Variants in SNX10 observed in about 807,000 individuals in gnomAD.
SNX10 encodes sorting nexin 10.
In SNX10, 25 loss-of-function variants were observed where a neutral mutation model predicts 28.5. The observed-to-expected ratio is 0.88, with a 90% CI of 0.64 to 1.22. The LOEUF (loss-of-function observed/expected upper bound fraction) is 1.22, where lower values mean the gene tolerates loss of function less well. SNX10 is among the 50% of genes most tolerant of loss of function. The pLI is 0.00. For synonymous variants in SNX10, 62 were observed against 81.4 expected (o/e 0.76, Z 1.28); for missense variants, 223 against 242.6 (o/e 0.92, Z 0.54).
intron 2 of SNX10, among the ~76,000 whole-genome samples, chr7:26,354,882 ACTCTT>A (rs1788754730): frequency 6.8e-6 from 1 of 146,420 alleles, no homozygotes; most frequent in African/African-American, 2.5e-5. Flanking sequence ...AAGTTGAAGA[ACTCTT>A]CTCCTAGTCC....
intron 2 of SNX10, among the ~76,000 whole-genome samples, chr7:26,351,284 A>G (rs1788584397): frequency 6.6e-6 from 1 of 152,260 alleles, no homozygotes; most frequent in Non-Finnish European, 1.5e-5. Flanking sequence ...GAAATCTGAC[A>G]AACACTTCCT....
chr7:26,347,496 C>T (rs373111306), intron 2 of SNX10, among the ~76,000 whole-genome samples: 84 of 152,198 alleles, frequency 5.5e-4, no homozygotes, highest in Non-Finnish European at 8.1e-4. Context: ...GCCAAGATTA[C>T]GCCACCACAC....
chr7:26,305,635 C>T (rs183048630), intron 1 of SNX10, among the ~76,000 whole-genome samples: 1 of 152,290 alleles, frequency 6.6e-6, no homozygotes, highest in African/African-American at 2.4e-5. Context: ...TGTCTAAACA[C>T]ACAGGAAACT....
In SNX10 at chr7:26,353,459, T is replaced by TTTTTG. The variant is rs1554359898; in HGVS notation, c.24+6994_24+6995insTTTGT. ...ATGCTTTTTTTTTTTTTTTTTTTTT[T>TTTTTG]TGGTGGGGAGACAGAGTCTTGGTCT... is the stretch of plus-strand genomic sequence containing the variant. On this transcript the variant is annotated intron_variant, in intron 2 of 6. Coordinates refer to ENST00000338523, the MANE Select transcript of SNX10 (RefSeq NM_013322.3). 1.5e-3 allele frequency among the ~76,000 whole-genome samples: 85 copies of TTTTTG among 58,426 alleles called. 3 individuals are homozygous for TTTTTG. Among genetic ancestry groups the TTTTTG allele is most frequent in the South Asian group, 4.4e-3 (6 of 1,372 alleles). 38.3% of individuals were successfully genotyped at this position (58,426 alleles called of 152,430 possible).
At chr7:26,346,337 G>A in intron 1 of SNX10, 83 bp from the exon 2 acceptor site, 1 of 851,172 alleles carries the variant, frequency 1.2e-6, no homozygotes, top group Non-Finnish European at 2.1e-6. Context: ...TCTGTCAGGG[G>A]ATTTGGGTGG....
intron 1 of SNX10, among the ~76,000 whole-genome samples, chr7:26,340,386 T>G (rs1450506872): frequency 2.0e-5 from 3 of 152,210 alleles, no homozygotes; most frequent in Non-Finnish European, 4.4e-5. Flanking sequence ...GAGTAGGAGA[T>G]GCAGAGACCC....
At chr7:26,295,311 C>T (rs1786068030) in intron 1 of SNX10, among the ~76,000 whole-genome samples, 1 of 152,232 alleles carries the variant, frequency 6.6e-6, no homozygotes, top group Middle Eastern at 3.4e-3. Context: ...ATCCACCCAC[C>T]TCAGCCTCCC....
intron 1 of SNX10, among the ~76,000 whole-genome samples, chr7:26,316,979 A>T (rs1787118970): frequency 1.3e-5 from 2 of 152,220 alleles, no homozygotes; most frequent in African/African-American, 4.8e-5. Context: ...TAGCCAGGCT[A>T]ATGCATATTT....
At chr7:26,336,691 C>T (rs1309108624) in intron 1 of SNX10, among the ~76,000 whole-genome samples, 3 of 152,116 alleles carry the variant, frequency 2.0e-5, no homozygotes, top group South Asian at 2.1e-4. Context: ...GGTGACAGAG[C>T]GAGACTGTCT....
At chr7:26,351,720 G>A (rs542356938) in intron 2 of SNX10, among the ~76,000 whole-genome samples, 5 of 137,044 alleles carry the variant, frequency 3.6e-5, no homozygotes, top group Non-Finnish European at 6.1e-5. Flanking sequence ...GCAGTGGTGC[G>A]ATCTCGACTC....
intron 1 of SNX10, among the ~76,000 whole-genome samples, chr7:26,322,744 A>G (rs60123787): frequency 0.062 from 9,390 of 152,256 alleles, 708 homozygotes; most frequent in African/African-American, 0.17. Flanking sequence ...GGAGGTTGGA[A>G]TAAAGATCTG....
At chr7:26,339,780 C>G (rs943962565) in intron 1 of SNX10, among the ~76,000 whole-genome samples, 1 of 151,290 alleles carries the variant, frequency 6.6e-6, no homozygotes, top group Non-Finnish European at 1.5e-5. Flanking sequence ...AACTCCTGAC[C>G]TTGTGATCCA....
chr7:26,365,553 C>T (rs1157908942), intron 5 of SNX10, among the ~76,000 whole-genome samples: 4 of 152,184 alleles, frequency 2.6e-5, no homozygotes, highest in Non-Finnish European at 4.4e-5. Context: ...TAACGGGCTG[C>T]TAATATCCTT....
intron 1 of SNX10, among the ~76,000 whole-genome samples, chr7:26,313,213 TA>T (rs1184745631): frequency 6.6e-6 from 1 of 152,154 alleles, no homozygotes; most frequent in East Asian, 1.9e-4. Flanking sequence ...CCCCACTTTT[TA>T]AAAAAAGAAC....
At chr7:26,366,538 T>A (rs1227602366) in intron 5 of SNX10, among the ~76,000 whole-genome samples, 1 of 152,196 alleles carries the variant, frequency 6.6e-6, no homozygotes, top group Non-Finnish European at 1.5e-5. Context: ...AAGTTTTTCC[T>A]GCCCTTTCCC....
chr7:26,369,483 T>C (rs992971720), intron 5 of SNX10, among the ~76,000 whole-genome samples: 7 of 152,208 alleles, frequency 4.6e-5, no homozygotes, highest in Non-Finnish European at 8.8e-5. Context: ...AAAATAAGCA[T>C]ATAAATACAT....
chr7:26,336,212 AAAC>A (rs1358841489), intron 1 of SNX10, among the ~76,000 whole-genome samples: 1 of 152,218 alleles, frequency 6.6e-6, no homozygotes, highest in African/African-American at 2.4e-5. Flanking sequence ...TTCTTTTAAA[AAAC>A]ATGTTTTGTT....
At chr7:26,315,165 T>A (rs929171107) in intron 1 of SNX10, among the ~76,000 whole-genome samples, 2 of 152,104 alleles carry the variant, frequency 1.3e-5, no homozygotes, top group Non-Finnish European at 2.9e-5. Context: ...AATAATGAAT[T>A]TGTATGTTTG....
intron 1 of SNX10, among the ~76,000 whole-genome samples, chr7:26,325,111 A>G (rs1206400124): frequency 1.3e-5 from 2 of 151,576 alleles, no homozygotes; most frequent in African/African-American, 4.8e-5. Context: ...ACGGGCTAGC[A>G]TAGCACCTAC....
Sources: gnomAD v4.1 joint callset for allele counts (sites outside exome capture counted in the v4.1 genomes callset) on GRCh38, gnomAD v4.1.1 for gene constraint, MANE v1.5 for transcripts, NCBI Gene and HGNC (gene_info 2026-07-23, HGNC 2026-07-21) for gene names.